The following BAZ2A variants were observed in gnomAD, a reference collection of about 807,000 sequenced individuals.
BAZ2A encodes bromodomain adjacent to zinc finger domain protein 2A.
Under a neutral mutation model 199.9 loss-of-function variants are expected in BAZ2A, and 34 were observed. The observed-to-expected ratio is 0.17, with a 90% confidence interval of 0.13 to 0.23. BAZ2A has a LOEUF of 0.23. BAZ2A is among the 10% of genes least tolerant of loss of function. BAZ2A has a pLI of 1.00. For synonymous variants in BAZ2A, 857 were observed against 883.9 expected, an observed-to-expected ratio of 0.97 and a Z score of 0.54; for missense variants, 2,002 against 2,391.1, an observed-to-expected ratio of 0.84 and a Z score of 3.39.
chr12:56,622,375 A>G (rs978685971), intron 1 of BAZ2A, among the ~76,000 whole-genome samples: 2 of 152,162 alleles, frequency 1.3e-5, no homozygotes, highest in African/African-American at 4.8e-5. Context: ...AACGGTCTAC[A>G]TATAAAATAA....
intron 1 of BAZ2A, 108 bp downstream of exon 1, chr12:56,630,017 G>T: frequency 1.2e-6 from 1 of 826,110 alleles, no homozygotes; most frequent in Non-Finnish European, 1.5e-6. Flanking sequence ...TCGGCTTCCC[G>T]CCCCGGCAAG....
At chr12:56,635,090 A>C, upstream of BAZ2A, 1 of 963,782 alleles carries the variant, frequency 1.0e-6, no homozygotes, top group Non-Finnish European at 1.2e-6. This position sits in a 1 kb window ranked among gnomAD's most constrained non-coding sequence, Gnocchi z 4.1. Context: ...GGAACTACCG[A>C]GGTGAGGACA....
At chr12:56,619,442 G>A (rs1950834855) in intron 1 of BAZ2A, among the ~76,000 whole-genome samples, 2 of 148,554 alleles carry the variant, frequency 1.3e-5, no homozygotes, top group Non-Finnish European at 3.0e-5. Flanking sequence ...CCAGGAGGTC[G>A]AGGCTGCAGT....
exon 1 of BAZ2A, chr12:56,636,220 A>C (rs1424169470): frequency 6.3e-7 from 1 of 1,587,888 alleles, no homozygotes; most frequent in African/African-American, 1.3e-5. Flanking sequence ...GGGACCACCC[A>C]GCTCCTCACT....
At chr12:56,633,362 C>G (rs544735241), upstream of BAZ2A, among the ~76,000 whole-genome samples, 46 of 152,306 alleles carry the variant, frequency 3.0e-4, no homozygotes, top group Non-Finnish European at 6.0e-4. Flanking sequence ...CTCCCCCCAG[C>G]ACCCCCTCCA....
intron 4 of BAZ2A, among the ~76,000 whole-genome samples, chr12:56,613,625 C>T (rs942476591): frequency 3.9e-5 from 6 of 152,222 alleles, no homozygotes; most frequent in African/African-American, 1.2e-4. Flanking sequence ...TAAAAGGTAA[C>T]TGCTCACTGA....
At position 56,597,697 on chromosome 12, in the gene BAZ2A, C is replaced by T. The variant is rs1885976461; in HGVS notation, c.*921G>A. The T allele has an allele frequency of 6.6e-6, 1 of 151,888 alleles. No homozygotes were observed. Among genetic ancestry groups the T allele is most frequent in the Non-Finnish European group, 1.4e-5 (1 of 69,092 alleles). The allele number at this position is 151,888 out of a possible 1,614,324, so 9.4% of individuals were successfully genotyped here. On this transcript the variant is annotated 3_prime_UTR_variant, in exon 29 of 29. Transcript: ENST00000549884. ...ACAGCGCTCTCTCTGAGGCCGGCCC[C>T]ATTGCTACCTGGCCTCCATCTTAGG...
At chr12:56,626,228 C>T (rs951178374) in intron 1 of BAZ2A, among the ~76,000 whole-genome samples, 1 of 152,228 alleles carries the variant, frequency 6.6e-6, no homozygotes, top group Non-Finnish European at 1.5e-5. Context: ...AGGACACCAA[C>T]ATCCTAAGAA....
intron 1 of BAZ2A, chr12:56,621,136 A>G: frequency 4.1e-6 from 4 of 985,370 alleles, no homozygotes; most frequent in Non-Finnish European, 4.8e-6. Context: ...TGTGGAGGAT[A>G]CATGCAACTT....
chr12:56,604,376 A>G, intron 15 of BAZ2A, 85 bp from the exon 16 acceptor site: 1 of 1,428,590 alleles, frequency 7.0e-7, no homozygotes, highest in Non-Finnish European at 9.6e-7. Flanking sequence ...CAGCTGAAAA[A>G]GGAGTTCCAG....
upstream of BAZ2A, among the ~76,000 whole-genome samples, chr12:56,633,941 C>T (rs923875378): frequency 6.6e-6 from 1 of 152,104 alleles, no homozygotes; most frequent in Non-Finnish European, 1.5e-5. Context: ...CCATGTTGCC[C>T]AAGCTGGTTT....
chr12:56,625,801 G>A (rs964175582), intron 1 of BAZ2A, among the ~76,000 whole-genome samples: 47 of 150,206 alleles, frequency 3.1e-4, no homozygotes, highest in African/African-American at 7.4e-4. Flanking sequence ...GCGTGAACCC[G>A]GGAGGCGGAG....
At chr12:56,621,075 T>G (rs1479255610) in intron 1 of BAZ2A, 5 of 985,288 alleles carry the variant, frequency 5.1e-6, no homozygotes, top group Non-Finnish European at 6.0e-6. Flanking sequence ...AGGGCCAATT[T>G]CATCTGATCC....
chr12:56,612,984 G>C lies in BAZ2A; in HGVS notation c.1135+31C>G, dbSNP rs761903352. ...TTCTCTCATCTTTTCTCAGGTAAAG[G>C]TCTTTCTTTGTCCTACCTACCGTCA... On this transcript the variant is annotated intron_variant, in intron 5 of 28. Coordinates refer to ENST00000549884, the MANE Select transcript of BAZ2A (RefSeq NM_001300905.2). 12 of 1,572,104 alleles carry C rather than the reference G, an allele frequency of 7.6e-6. No individual in the cohort carries two copies. In the Admixed American group the frequency reaches 8.5e-5, roughly 11 times the overall value.
chr12:56,631,557 T>A (rs1951311853), upstream of BAZ2A, among the ~76,000 whole-genome samples: 1 of 151,410 alleles, frequency 6.6e-6, no homozygotes, highest in Non-Finnish European at 1.5e-5. Flanking sequence ...AAACAGTGGA[T>A]AAAATATGAC....
At chr12:56,629,201 G>T (rs1037095071) in intron 1 of BAZ2A, among the ~76,000 whole-genome samples, 1 of 152,148 alleles carries the variant, frequency 6.6e-6, no homozygotes, top group Non-Finnish European at 1.5e-5. Flanking sequence ...TCCTGCGGGA[G>T]GCTGGGGGAG....
chr12:56,605,917 C>G lies in BAZ2A; in HGVS notation c.2406G>C (p.Gln802His), dbSNP rs753402804. 2 of 1,578,146 alleles carry G rather than the reference C, an allele frequency of 1.3e-6. No homozygotes were observed. Among genetic ancestry groups the G allele is most frequent in the Non-Finnish European group, 8.6e-7 (1 of 1,161,342 alleles). ...ACKADKTLAT[Q>H]RRLEERQRQQ... ...GCCTCTGCCGTTCCTCCAAGCGCCT[C>G]TGTGTGGCCAGGGTCTTATCTGCTT... The change falls in exon 13 of 29, where the codon CAG becomes CAC. Residue 802 changes from glutamine to histidine, a missense_variant. Around this residue, in one of 6 missense-constraint regions of BAZ2A, gnomAD observed 1,081 missense variants for 1,274.7 expected, o/e 0.85. Coordinates refer to ENST00000549884, the MANE Select transcript of BAZ2A (RefSeq NM_001300905.2).
chr12:56,601,519 T>C, intron 20 of BAZ2A, 27 bp downstream of exon 20: 3 of 1,606,078 alleles, frequency 1.9e-6, no homozygotes, highest in Non-Finnish European at 2.6e-6. Context: ...TGAAATCAAG[T>C]GCATACTACT....
upstream of BAZ2A, among the ~76,000 whole-genome samples, chr12:56,634,436 G>A (rs1193314989): frequency 6.6e-6 from 1 of 152,214 alleles, no homozygotes; most frequent in African/African-American, 2.4e-5. Flanking sequence ...AGCTCCCGGA[G>A]ATGTAGGGTG....
Sources: allele counts gnomAD v4.1 joint callset (sites outside exome capture counted in the v4.1 genomes callset), GRCh38; gene constraint gnomAD v4.1.1; regional missense constraint gnomAD v4.1.1; non-coding constraint Gnocchi (gnomAD v3.1); transcripts MANE v1.5; gene names NCBI Gene and HGNC (gene_info 2026-07-23, HGNC 2026-07-21).